Variants in INPP5A observed in about 807,000 individuals in gnomAD.
INPP5A encodes the protein inositol polyphosphate-5-phosphatase A.
A neutral mutation model predicts 65.2 loss-of-function variants in INPP5A; 14 were observed. That is an observed-to-expected ratio of 0.21 (90% CI 0.14 to 0.34). The LOEUF (loss-of-function observed/expected upper bound fraction) is 0.34. INPP5A is among the 10% of genes least tolerant of loss of function. The pLI is 1.00. For synonymous variants in INPP5A, 207 were observed against 208.3 expected (o/e 0.99, Z 0.05); for missense variants, 431 against 545.6 (o/e 0.79, Z 2.09).
intron 12 of INPP5A, 96 bp from the exon 13 acceptor site, chr10:132,777,575 C>G: frequency 9.3e-7 from 1 of 1,070,450 alleles, no homozygotes; most frequent in Non-Finnish European, 1.4e-6. Context: ...GCTGGCCATT[C>G]TAAGGTGTAT....
intron 4 of INPP5A, among the ~76,000 whole-genome samples, chr10:132,653,466 C>T (rs1564950511): frequency 6.6e-6 from 1 of 152,166 alleles, no homozygotes; most frequent in African/African-American, 2.4e-5. Context: ...CGTGCCAGGC[C>T]TGTACGAGCT....
intron 1 of INPP5A, among the ~76,000 whole-genome samples, chr10:132,583,836 CT>C (rs2071516197): frequency 6.6e-6 from 1 of 152,154 alleles, no homozygotes; most frequent in Non-Finnish European, 1.5e-5. Flanking sequence ...AATCCCAGCA[CT>C]TTTGGAGGCC....
intron 1 of INPP5A, among the ~76,000 whole-genome samples, chr10:132,558,034 A>G (rs1216653728): frequency 6.6e-6 from 1 of 152,198 alleles, no homozygotes; most frequent in Non-Finnish European, 1.5e-5. Flanking sequence ...GAAGATTCTC[A>G]CCCATGAAAA....
chr10:132,636,542 C>G (rs1018989395), intron 2 of INPP5A, among the ~76,000 whole-genome samples: 2 of 152,242 alleles, frequency 1.3e-5, no homozygotes, highest in African/African-American at 2.4e-5. Context: ...AGCCAGCCTG[C>G]TGCACGCCTT....
At position 132,697,850 on chromosome 10, in the gene INPP5A, C is replaced by G; in HGVS notation, c.405C>G (p.Ile135Met). 1.9e-6 allele frequency: 3 copies of G among 1,613,878 alleles called. No individual in the cohort carries two copies. The highest frequency in any genetic ancestry group is 2.5e-6 in the Non-Finnish European group (3 of 1,179,806). ...KKYRKVAGKE[I>M]YSDTLESTPM... ...ATAGAAAGGTCGCTGGCAAAGAGAT[C>G]TACTCGGATACCTTAGAGAGCACGC... Residue 135 changes from isoleucine (I) to methionine (M), a missense_variant, in exon 6 of 16, where the codon ATC becomes ATG. Coordinates refer to ENST00000368594, the MANE Select transcript of INPP5A (RefSeq NM_005539.5). The surrounding 1 kb of genome is among the most constrained non-coding windows in gnomAD (Gnocchi z 5.6).
Position 132,546,988 on chromosome 10 carries a change from C to A in INPP5A, c.75+8817C>A, listed in dbSNP as rs1368975899. 6.6e-6 allele frequency among the ~76,000 whole-genome samples: 1 copy of A among 152,210 alleles called. No individual in the cohort carries two copies. The highest frequency in any genetic ancestry group is 1.5e-5 in the Non-Finnish European group (1 of 68,022). ...ACAGCCTTCCTTTCTGCGTCCTCCC[C>A]TCTCGGGGTCCCGCATGACTGGTCC... On this transcript the variant is annotated intron_variant, in intron 1 of 15. Transcript: ENST00000368594. This position sits in a 1 kb window ranked among gnomAD's most constrained non-coding sequence, Gnocchi z 5.7.
At chr10:132,661,005 A>G (rs1473796329) in intron 4 of INPP5A, among the ~76,000 whole-genome samples, 1 of 152,234 alleles carries the variant, frequency 6.6e-6, no homozygotes, top group African/African-American at 2.4e-5. Flanking sequence ...GAGGAAAACC[A>G]GATCCCTGCA....
chr10:132,706,072 G>T lies in INPP5A; in HGVS notation c.475-2241G>T, dbSNP rs370149733. Among the ~76,000 whole-genome samples, 110 of 152,344 alleles carry T rather than the reference G, an allele frequency of 7.2e-4. No individual in the cohort carries two copies. Among genetic ancestry groups the T allele is most frequent in the African/African-American group, 2.6e-3 (107 of 41,570 alleles). On this transcript the variant is annotated intron_variant, in intron 6 of 15. Transcript: ENST00000368594. This position sits in a 1 kb window ranked among gnomAD's most constrained non-coding sequence, Gnocchi z 4.7. ...GAAAAGGGAATATGAAGAGGAGCCT[G>T]TAGAAACATTAAACATTCTGCATTA...
chr10:132,584,474 A>C (rs1283212839), intron 1 of INPP5A, among the ~76,000 whole-genome samples: 1 of 152,208 alleles, frequency 6.6e-6, no homozygotes, highest in African/African-American at 2.4e-5. Context: ...ATATATTTTA[A>C]ATTTATTTTC....
chr10:132,609,856 G>A (rs2071918261), intron 2 of INPP5A, among the ~76,000 whole-genome samples: 1 of 152,176 alleles, frequency 6.6e-6, no homozygotes, highest in African/African-American at 2.4e-5. Flanking sequence ...CGTTGACCAG[G>A]CTGGTCTTGA....
intron 1 of INPP5A, among the ~76,000 whole-genome samples, chr10:132,540,745 C>T (rs1185525909): frequency 2.6e-5 from 4 of 152,240 alleles, no homozygotes; most frequent in Admixed American, 1.3e-4. Context: ...TGCTGACGAA[C>T]GCACCCTGCA....
rs1261122067 is a variant in INPP5A at position 132,550,456 on chromosome 10, G to A, written c.75+12285G>A. Among the ~76,000 whole-genome samples, 3 of 152,184 alleles carry A rather than the reference G, an allele frequency of 2.0e-5. No individual in the cohort carries two copies. The highest frequency in any genetic ancestry group is 4.4e-5 in the Non-Finnish European group (3 of 68,020). ...ACCTGTGACACTGCTGTCACTCCAA[G>A]GTGCACCTCACCACACCTGGAGCAG... On this transcript the variant is annotated intron_variant, in intron 1 of 15. Transcript: ENST00000368594. The surrounding 1 kb of genome is among the most constrained non-coding windows in gnomAD (Gnocchi z 4.2).
chr10:132,597,315 G>A (rs2071716145), intron 1 of INPP5A, among the ~76,000 whole-genome samples: 1 of 152,212 alleles, frequency 6.6e-6, no homozygotes, highest in Non-Finnish European at 1.5e-5. Flanking sequence ...CAGAAGATGT[G>A]TCAGGGTGTC....
intron 8 of INPP5A, among the ~76,000 whole-genome samples, chr10:132,722,788 A>G (rs1367120744): frequency 2.0e-5 from 3 of 152,194 alleles, no homozygotes; most frequent in Admixed American, 2.0e-4. Context: ...GGCCTAAAAA[A>G]TTGATTTTTA....
chr10:132,669,367 G>T (rs903642089), intron 4 of INPP5A, among the ~76,000 whole-genome samples: 13 of 152,210 alleles, frequency 8.5e-5, no homozygotes, highest in African/African-American at 2.9e-4. Flanking sequence ...GGGTTCCCTG[G>T]TGCCCACTGT....
intron 4 of INPP5A, among the ~76,000 whole-genome samples, chr10:132,669,829 T>C (rs1270881393): frequency 1.3e-5 from 2 of 151,950 alleles, no homozygotes; most frequent in Non-Finnish European, 2.9e-5. Context: ...CCCGTGTCCC[T>C]GTCCCCACTG....
rs556665141 is a variant in INPP5A at position 132,782,317 on chromosome 10, G to A, written c.*288G>A. The A allele has an allele frequency of 1.4e-5, 5 of 357,904 alleles. No individual in the cohort carries two copies. Among genetic ancestry groups the A allele is most frequent in the Non-Finnish European group, 2.7e-5 (5 of 184,718 alleles). 22.2% of individuals were successfully genotyped at this position (357,904 alleles called of 1,614,324 possible). A position where few individuals can be genotyped will look rare whatever the true frequency, so the allele number is the denominator to read the frequency against. On this transcript the variant is annotated 3_prime_UTR_variant, in exon 16 of 16. Transcript: ENST00000368594. This position sits in a 1 kb window ranked among gnomAD's most constrained non-coding sequence, Gnocchi z 4.4. Reference sequence around the variant, plus strand: ...AAAACTCTAATAGACAGCAAAGAGGGTCTGTACCGTAGACTTCACAGTTTT... The same window carrying A: ...AAAACTCTAATAGACAGCAAAGAGGATCTGTACCGTAGACTTCACAGTTTT...
chr10:132,636,737 G>A (rs1423203638), intron 2 of INPP5A, among the ~76,000 whole-genome samples: 4 of 152,176 alleles, frequency 2.6e-5, no homozygotes, highest in African/African-American at 7.2e-5. Context: ...CCAAATTTTT[G>A]TACGTTGAAA....
intron 8 of INPP5A, among the ~76,000 whole-genome samples, chr10:132,714,176 A>C (rs1174158833): frequency 2.0e-5 from 3 of 152,188 alleles, no homozygotes; most frequent in African/African-American, 7.2e-5. Flanking sequence ...CGGCCTCAAG[A>C]AAGCAGCCTT....
Sources: gnomAD v4.1 joint callset for allele counts (sites outside exome capture counted in the v4.1 genomes callset) on GRCh38, gnomAD v4.1.1 for gene constraint, Gnocchi (gnomAD v3.1) non-coding constraint, MANE v1.5 for transcripts, NCBI Gene and HGNC (gene_info 2026-07-23, HGNC 2026-07-21) for gene names.